The following PICALM variants were observed in gnomAD, a reference collection of about 807,000 sequenced individuals.
PICALM encodes the protein phosphatidylinositol-binding clathrin assembly protein.
A neutral mutation model predicts 80.5 loss-of-function variants in PICALM; 40 were observed. The observed-to-expected ratio is 0.50, with a 90% CI of 0.39 to 0.65. The LOEUF is 0.65. PICALM is among the 30% of genes least tolerant of loss of function. PICALM has a pLI of 0.00. For synonymous variants in PICALM, 288 were observed against 260.3 expected, an observed-to-expected ratio of 1.11 and a Z score of -1.02; for missense variants, 676 against 778.9, an observed-to-expected ratio of 0.87 and a Z score of 1.57.
chr11:86,026,211 A>G (rs116210752), intron 3 of PICALM, 81 bp downstream of exon 3: 1 of 769,284 alleles, frequency 1.3e-6, no homozygotes, highest in Admixed American at 2.3e-5. Context: ...CACATGTTCT[A>G]AAAGACAGAG....
intron 3 of PICALM, among the ~76,000 whole-genome samples, chr11:86,025,765 G>C (rs1175437529): frequency 6.6e-6 from 1 of 151,908 alleles, no homozygotes; most frequent in Non-Finnish European, 1.5e-5. Context: ...CACCATGTTG[G>C]CCAGGCTGGT....
At chr11:86,062,506 G>T (rs190836040) in intron 1 of PICALM, among the ~76,000 whole-genome samples, 1 of 149,868 alleles carries the variant, frequency 6.7e-6, no homozygotes, top group Non-Finnish European at 1.5e-5. Flanking sequence ...CAACAAGAGC[G>T]AAACTCCGTC....
intron 17 of PICALM, chr11:85,978,149 T>C: frequency 7.0e-7 from 1 of 1,423,498 alleles, no homozygotes; most frequent in Non-Finnish European, 9.9e-7. Flanking sequence ...TTAGAACAAG[T>C]ACTTACACAA....
chr11:85,993,670 G>A (rs900696629), intron 12 of PICALM, among the ~76,000 whole-genome samples: 9 of 151,478 alleles, frequency 5.9e-5, no homozygotes, highest in Middle Eastern at 3.4e-3. Flanking sequence ...AATTCCTGAC[G>A]TCAAATGATC....
intron 17 of PICALM, among the ~76,000 whole-genome samples, chr11:85,977,630 T>G (rs1194611553): frequency 2.0e-5 from 3 of 152,210 alleles, no homozygotes; most frequent in Non-Finnish European, 4.4e-5. Context: ...AGTTTAGTAT[T>G]CGGGTGAGCG....
chr11:86,057,587 ATG>A (rs144096578), intron 1 of PICALM, among the ~76,000 whole-genome samples: 4 of 150,722 alleles, frequency 2.7e-5, no homozygotes, highest in African/African-American at 7.3e-5. Flanking sequence ...ATAAAAAATT[ATG>A]TGTGTGTGTG....
rs186615691 is a variant in PICALM at position 86,024,044 on chromosome 11, C to G, written c.350-1575G>C. The stretch of plus-strand genomic sequence containing the variant: ...CTGCTCAGGAGGCTGAAGGGAGGAC[C>G]GCTTGAGCCAGGAGTTAGAGGCTGC... On this transcript the variant is annotated intron_variant, in intron 3 of 19. Coordinates refer to ENST00000393346, the MANE Select transcript of PICALM (RefSeq NM_007166.4). 1.2e-3 allele frequency among the ~76,000 whole-genome samples: 179 copies of G among 152,084 alleles called. 2 individuals carry two copies. Among genetic ancestry groups the G allele is most frequent in the African/African-American group, 4.1e-3 (171 of 41,478 alleles).
In PICALM at chr11:86,054,326, G is replaced by A. The variant is rs138750279; in HGVS notation, c.130+14325C>T. 2.6e-5 allele frequency among the ~76,000 whole-genome samples: 4 copies of A among 152,284 alleles called. No individual in the cohort carries two copies. The East Asian group carries it at 7.7e-4, about 29-fold the overall frequency. On this transcript the variant is annotated intron_variant, in intron 1 of 19. Transcript: ENST00000393346. Reference sequence around the variant, plus strand: ...AATACATTGCTAGTTTCACAGCACTGGTATCTAAAGCTAGGGAAGCAGCTA... The same window carrying A: ...AATACATTGCTAGTTTCACAGCACTAGTATCTAAAGCTAGGGAAGCAGCTA...
intron 11 of PICALM, among the ~76,000 whole-genome samples, chr11:85,998,740 T>A (rs988224742): frequency 1.3e-5 from 2 of 152,106 alleles, no homozygotes; most frequent in South Asian, 4.1e-4. Flanking sequence ...GCTGTGCCAC[T>A]GCACTCCAGC....
intron 17 of PICALM, among the ~76,000 whole-genome samples, chr11:85,977,865 GA>G (rs764330115): frequency 3.3e-5 from 5 of 151,840 alleles, no homozygotes; most frequent in African/African-American, 1.2e-4. Context: ...TATTAAGCAA[GA>G]AAAAAAATCG....
chr11:86,009,647 G>C (rs981551187), intron 7 of PICALM, among the ~76,000 whole-genome samples: 1 of 151,350 alleles, frequency 6.6e-6, no homozygotes, highest in African/African-American at 2.4e-5. Flanking sequence ...AGCCAAGATT[G>C]CGCCATTGCA....
chr11:85,986,381 T>A, intron 13 of PICALM, among the ~76,000 whole-genome samples: 3 of 111,540 alleles, frequency 2.7e-5, no homozygotes, highest in Admixed American at 2.7e-4. Context: ...TTTTTTTTTT[T>A]TTTTTTTTTT....
chr11:85,998,151 G>A (rs908199094), intron 11 of PICALM, among the ~76,000 whole-genome samples: 5 of 151,516 alleles, frequency 3.3e-5, no homozygotes, highest in South Asian at 2.1e-4. Flanking sequence ...TCGCTCCGTC[G>A]CCCAGGCTGG....
chr11:85,960,026 T>G (rs567502431), intron 19 of PICALM, among the ~76,000 whole-genome samples: 78 of 152,316 alleles, frequency 5.1e-4, no homozygotes, highest in African/African-American at 1.9e-3. Flanking sequence ...GAAGCAAAAT[T>G]TGAAATATTA....
At chr11:86,057,648 G>A (rs1171077247) in intron 1 of PICALM, among the ~76,000 whole-genome samples, 1 of 152,034 alleles carries the variant, frequency 6.6e-6, no homozygotes, top group African/African-American at 2.4e-5. Flanking sequence ...CCATTATCAT[G>A]GATTCAATCA....
intron 3 of PICALM, among the ~76,000 whole-genome samples, chr11:86,025,553 ATTTC>A (rs1376229336): frequency 6.6e-6 from 1 of 151,136 alleles, no homozygotes; most frequent in Admixed American, 6.6e-5. Flanking sequence ...ATTACATAGC[ATTTC>A]TTTTTTTGTT....
intron 1 of PICALM, among the ~76,000 whole-genome samples, chr11:86,063,486 C>T (rs553809642): frequency 2.0e-5 from 3 of 152,132 alleles, no homozygotes; most frequent in East Asian, 1.9e-4. Context: ...TATGAATAAG[C>T]GGCTACAAAA....
At chr11:86,069,096 C>G, upstream of PICALM, 1 of 309,716 alleles carries the variant, frequency 3.2e-6, no homozygotes, top group Non-Finnish European at 6.1e-6. Context: ...GCGCCAGGCT[C>G]CTCCTCGGAG....
intron 2 of PICALM, 61 bp from the exon 3 acceptor site, chr11:86,026,428 A>G (rs540012247): frequency 5.3e-6 from 5 of 939,566 alleles, no homozygotes; most frequent in Non-Finnish European, 6.7e-6. Context: ...TAATTCGAAA[A>G]TTAGGAGGAA....
Sources: gnomAD v4.1 joint callset for allele counts (sites outside exome capture counted in the v4.1 genomes callset) on GRCh38, gnomAD v4.1.1 for gene constraint, MANE v1.5 for transcripts, NCBI Gene and HGNC (gene_info 2026-07-23, HGNC 2026-07-21) for gene names.